The following FBXL17 variants were observed in gnomAD, a reference collection of about 807,000 sequenced individuals.
FBXL17 encodes the protein F-box and leucine rich repeat protein 17.
FBXL17 carries 22 observed loss-of-function variants against 66.2 expected under a neutral mutation model. That is an observed-to-expected ratio of 0.33 (90% CI 0.24 to 0.47). FBXL17 has a LOEUF of 0.47. FBXL17 is among the 20% of genes least tolerant of loss of function. The pLI is 1.00. For synonymous variants in FBXL17, 474 were observed against 400.5 expected (o/e 1.18, Z -2.19); for missense variants, 878 against 948.2 (o/e 0.93, Z 0.97).
At chr5:108,340,237 T>C (rs1310567875) in intron 4 of FBXL17, among the ~76,000 whole-genome samples, 2 of 151,008 alleles carry the variant, frequency 1.3e-5, no homozygotes, top group African/African-American at 4.8e-5. Context: ...ATTCTTCAGA[T>C]TGAAATTATA....
At chr5:108,014,446 A>C (rs1490942288) in intron 7 of FBXL17, among the ~76,000 whole-genome samples, 4 of 152,174 alleles carry the variant, frequency 2.6e-5, no homozygotes, top group Admixed American at 2.6e-4. Flanking sequence ...CTAAATGTGA[A>C]GCTAGAGTTA....
intron 4 of FBXL17, among the ~76,000 whole-genome samples, chr5:108,316,848 AAAC>A (rs1247192092): frequency 6.6e-6 from 1 of 151,282 alleles, no homozygotes; most frequent in Non-Finnish European, 1.5e-5. Context: ...TCAAAGTATT[AAAC>A]AACTGGAAAC....
At chr5:108,349,127 G>C (rs1468615400) in intron 3 of FBXL17, among the ~76,000 whole-genome samples, 1 of 151,552 alleles carries the variant, frequency 6.6e-6, no homozygotes, top group African/African-American at 2.4e-5. Flanking sequence ...TTAATAGTGA[G>C]GAAAAAAATA....
intron 7 of FBXL17, among the ~76,000 whole-genome samples, chr5:107,885,399 T>G (rs1229073952): frequency 1.3e-5 from 2 of 152,160 alleles, no homozygotes; most frequent in African/African-American, 4.8e-5. Context: ...AAATTCCATT[T>G]CTAGGAATCT....
At chr5:108,377,464 G>A (rs1365125593) in intron 1 of FBXL17, among the ~76,000 whole-genome samples, 1 of 152,216 alleles carries the variant, frequency 6.6e-6, no homozygotes, top group Non-Finnish European at 1.5e-5. Flanking sequence ...TGAATCAGCT[G>A]TCTGACAGCG....
chr5:108,031,775 T>A lies in FBXL17; in HGVS notation c.1746-10774A>T, dbSNP rs1184979219. On this transcript the variant is annotated intron_variant, in intron 6 of 8. Transcript: ENST00000542267. ...TCACTACACCTGTATTTTACTGAAT[T>A]TTAACACTTCAGGTAGAAAATCAAT... Among the ~76,000 whole-genome samples, 4 of 152,126 alleles carry A rather than the reference T, an allele frequency of 2.6e-5. No individual in the cohort carries two copies. The East Asian group carries it at 7.7e-4, about 29-fold the overall frequency.
At chr5:107,991,214 T>C (rs1281502172) in intron 7 of FBXL17, among the ~76,000 whole-genome samples, 2 of 152,158 alleles carry the variant, frequency 1.3e-5, no homozygotes, top group Non-Finnish European at 2.9e-5. Flanking sequence ...TTTTCAGTGG[T>C]TACAGGGGCA....
Position 108,268,245 on chromosome 5 carries a change from C to A in FBXL17, c.1507-44017G>T, listed in dbSNP as rs534253465. Among the ~76,000 whole-genome samples, 42 of 151,876 alleles carry A rather than the reference C, an allele frequency of 2.8e-4. 1 individual carries two copies. Among genetic ancestry groups the A allele is most frequent in the Non-Finnish European group, 5.2e-4 (35 of 67,894 alleles). On this transcript the variant is annotated intron_variant, in intron 4 of 8. Transcript: ENST00000542267. ...GTGACACTTCTATTTTCATTTTATT[C>A]CTAAGAGGCAACAAGAGGTAGGTAG...
At chr5:108,129,209 G>C (rs1750830993) in intron 6 of FBXL17, among the ~76,000 whole-genome samples, 1 of 152,040 alleles carries the variant, frequency 6.6e-6, no homozygotes, top group Non-Finnish European at 1.5e-5. Context: ...CCAAAAGAAA[G>C]GTTCTTTCAG....
intron 6 of FBXL17, among the ~76,000 whole-genome samples, chr5:108,064,470 A>T (rs1437181326): frequency 6.6e-6 from 1 of 152,140 alleles, no homozygotes; most frequent in African/African-American, 2.4e-5. Context: ...TGGAGATGCC[A>T]AGGGAGGGTG....
intron 8 of FBXL17, among the ~76,000 whole-genome samples, chr5:107,866,842 A>C (rs1302654456): frequency 6.6e-6 from 1 of 152,198 alleles, no homozygotes; most frequent in Non-Finnish European, 1.5e-5. Context: ...CCTGACAACA[A>C]GGAGAATTTC....
At chr5:108,024,886 G>A (rs1754739120) in intron 6 of FBXL17, among the ~76,000 whole-genome samples, 1 of 152,104 alleles carries the variant, frequency 6.6e-6, no homozygotes, top group Non-Finnish European at 1.5e-5. Context: ...ACTTTCAGTG[G>A]AGGGAAAATC....
intron 4 of FBXL17, among the ~76,000 whole-genome samples, chr5:108,238,429 CAT>C (rs1377071191): frequency 6.6e-6 from 1 of 152,320 alleles, no homozygotes; most frequent in East Asian, 1.9e-4. Context: ...AAGAAGGGCA[CAT>C]GTTAAACATC....
At chr5:107,990,459 G>T (rs1295189125) in intron 7 of FBXL17, among the ~76,000 whole-genome samples, 2 of 152,028 alleles carry the variant, frequency 1.3e-5, no homozygotes, top group African/African-American at 4.8e-5. Context: ...CTCTGGAGTT[G>T]GTCTCTGTCA....
chr5:108,319,005 C>A (rs1257448139), intron 4 of FBXL17, among the ~76,000 whole-genome samples: 1 of 151,826 alleles, frequency 6.6e-6, no homozygotes, highest in Non-Finnish European at 1.5e-5. Flanking sequence ...ACTGAGTTCA[C>A]ACATGGAGCA....
At chr5:108,185,249 TC>T (rs1265363924) in intron 6 of FBXL17, among the ~76,000 whole-genome samples, 26 of 152,152 alleles carry the variant, frequency 1.7e-4, no homozygotes, top group Admixed American at 1.2e-3. Context: ...CCCAGCCAAA[TC>T]TCATGTCAAA....
rs115846809 is a variant in FBXL17 at position 108,248,858 on chromosome 5, T to C, written c.1507-24630A>G. ...TTCTATATCCAGAAAAAAAATATCC[T>C]TCAGGAATGAATAGGAATTAGATAA... On this transcript the variant is annotated intron_variant, in intron 4 of 8. Coordinates refer to ENST00000542267, the MANE Select transcript of FBXL17 (RefSeq NM_001163315.3). 2.2e-3 allele frequency among the ~76,000 whole-genome samples: 338 copies of C among 152,150 alleles called. 1 individual carries two copies. The highest frequency in any genetic ancestry group is 7.7e-3 in the African/African-American group (320 of 41,536).
At chr5:107,869,203 C>T (rs77616990) in intron 8 of FBXL17, among the ~76,000 whole-genome samples, 7,176 of 152,278 alleles carry the variant, frequency 0.047, 239 homozygotes, top group Non-Finnish European at 0.071. Flanking sequence ...GAGGCTGACT[C>T]CTGGTGGCCC....
chr5:108,369,515 G>T (rs1321928051), intron 1 of FBXL17, among the ~76,000 whole-genome samples: 1 of 152,022 alleles, frequency 6.6e-6, no homozygotes, highest in Non-Finnish European at 1.5e-5. Context: ...GTCAACACTG[G>T]ATAACGAATA....
Sources: allele counts gnomAD v4.1 joint callset (sites outside exome capture counted in the v4.1 genomes callset), GRCh38; gene constraint gnomAD v4.1.1; transcripts MANE v1.5; gene names NCBI Gene and HGNC (gene_info 2026-07-23, HGNC 2026-07-21).